The following FAM110B variants were observed in gnomAD, a reference collection of about 807,000 sequenced individuals.
FAM110B encodes family with sequence similarity 110 member B, also known as protein FAM110B.
A neutral mutation model predicts 20.4 loss-of-function variants in FAM110B; 6 were observed. The observed-to-expected ratio is 0.29, with a 90% CI of 0.16 to 0.58. FAM110B has a LOEUF of 0.58. Among genes scored for constraint, FAM110B ranks in the 20% least tolerant of loss-of-function variants. The pLI is 0.90. For missense variants in FAM110B, 434 were observed against 498.2 expected (o/e 0.87, Z 1.23); for synonymous variants, 226 against 214.1 (o/e 1.06, Z -0.49).
intron 3 of FAM110B, among the ~76,000 whole-genome samples, chr8:58,143,537 G>T (rs1585922504): frequency 6.6e-6 from 1 of 152,226 alleles, no homozygotes; most frequent in East Asian, 1.9e-4. Flanking sequence ...TTGTTGAGGG[G>T]TGTGGAACAA....
At chr8:58,080,114 A>C (rs1435905631) in intron 3 of FAM110B, among the ~76,000 whole-genome samples, 1 of 152,226 alleles carries the variant, frequency 6.6e-6, no homozygotes, top group African/African-American at 2.4e-5. Context: ...ACCAAAGGGC[A>C]ACCATGTGGT....
intron 1 of FAM110B, among the ~76,000 whole-genome samples, chr8:58,006,915 A>T (rs1476006846): frequency 2.4e-4 from 23 of 94,480 alleles, no homozygotes; most frequent in Non-Finnish European, 4.1e-4. Context: ...ATATATATAT[A>T]TATATATATT....
intron 3 of FAM110B, among the ~76,000 whole-genome samples, chr8:58,092,680 A>G (rs1404289030): frequency 1.3e-5 from 2 of 152,154 alleles, no homozygotes; most frequent in Non-Finnish European, 1.5e-5. Context: ...AGTCTTTGCT[A>G]TTGTGAACGT....
chr8:58,142,615 G>T (rs952822306), intron 3 of FAM110B, among the ~76,000 whole-genome samples: 5 of 146,282 alleles, frequency 3.4e-5, no homozygotes, highest in Admixed American at 1.4e-4. Flanking sequence ...GTTCATATCT[G>T]CTCTGATTCA....
intron 3 of FAM110B, among the ~76,000 whole-genome samples, chr8:58,085,946 T>A (rs1031158830): frequency 9.9e-5 from 15 of 152,204 alleles, no homozygotes; most frequent in African/African-American, 3.6e-4. Context: ...CAAAATTAAT[T>A]TGTAACTTTC....
intron 2 of FAM110B, among the ~76,000 whole-genome samples, chr8:58,046,258 T>C (rs1805318020): frequency 1.3e-5 from 2 of 152,214 alleles, no homozygotes; most frequent in Non-Finnish European, 2.9e-5. Flanking sequence ...AATTAAATTG[T>C]CAAAACCAAC....
At chr8:58,000,232 C>T (rs534943578) in intron 1 of FAM110B, among the ~76,000 whole-genome samples, 2 of 152,214 alleles carry the variant, frequency 1.3e-5, no homozygotes, top group South Asian at 2.1e-4. Flanking sequence ...TGGACCACAG[C>T]GGAGTTGGGG....
chr8:58,137,239 T>G (rs1458635092), intron 3 of FAM110B, among the ~76,000 whole-genome samples: 1 of 152,172 alleles, frequency 6.6e-6, no homozygotes, highest in Non-Finnish European at 1.5e-5. Flanking sequence ...AATGCCAAGT[T>G]GCAGACACTG....
intron 2 of FAM110B, among the ~76,000 whole-genome samples, chr8:58,051,807 G>A (rs1029643348): frequency 6.6e-6 from 1 of 152,094 alleles, no homozygotes; most frequent in African/African-American, 2.4e-5. Flanking sequence ...GGGTTGGAAC[G>A]GATATAAATG....
chr8:58,108,026 G>A (rs1806963683), intron 3 of FAM110B, among the ~76,000 whole-genome samples: 1 of 152,194 alleles, frequency 6.6e-6, no homozygotes, highest in African/African-American at 2.4e-5. Flanking sequence ...GTGTAGCAGA[G>A]AAGCTAGTTG....
At chr8:58,063,774 A>C (rs1308435888) in intron 2 of FAM110B, among the ~76,000 whole-genome samples, 1 of 152,130 alleles carries the variant, frequency 6.6e-6, no homozygotes, top group Non-Finnish European at 1.5e-5. Flanking sequence ...TGTTCTATTA[A>C]TTTTATTTAT....
chr8:58,101,334 A>G (rs911565676), intron 3 of FAM110B, among the ~76,000 whole-genome samples: 1 of 152,208 alleles, frequency 6.6e-6, no homozygotes, highest in African/African-American at 2.4e-5. Flanking sequence ...TGAAGTCTTG[A>G]CCATTTGTGT....
At chr8:58,062,464 G>A (rs191593649) in intron 2 of FAM110B, among the ~76,000 whole-genome samples, 2 of 152,176 alleles carry the variant, frequency 1.3e-5, no homozygotes, top group Non-Finnish European at 1.5e-5. Context: ...TAAAAAATTG[G>A]TCTCTAGATA....
chr8:58,031,782 C>A (rs1804966427), intron 2 of FAM110B, 79 bp downstream of exon 2: 1 of 152,162 alleles, frequency 6.6e-6, no homozygotes, highest in Non-Finnish European at 1.5e-5. Context: ...ATATGTTGAG[C>A]AGAATTTAGG....
At chr8:58,010,529 A>G (rs563034189) in intron 1 of FAM110B, among the ~76,000 whole-genome samples, 1 of 152,326 alleles carries the variant, frequency 6.6e-6, no homozygotes, top group South Asian at 2.1e-4. Flanking sequence ...TTCATTGAAT[A>G]CATTTCTGGA....
At chr8:58,105,813 G>C (rs529472714) in intron 3 of FAM110B, among the ~76,000 whole-genome samples, 2 of 151,690 alleles carry the variant, frequency 1.3e-5, no homozygotes, top group African/African-American at 4.8e-5. Context: ...CTTGTGATCC[G>C]CCCGCCTCAG....
intron 2 of FAM110B, among the ~76,000 whole-genome samples, chr8:58,048,634 G>T (rs1464262345): frequency 4.6e-5 from 7 of 152,172 alleles, no homozygotes; most frequent in Non-Finnish European, 1.0e-4. Context: ...ATTTTAAAAT[G>T]TTCACATGTT....
At chr8:58,011,977 A>G (rs1183069793) in intron 1 of FAM110B, among the ~76,000 whole-genome samples, 2 of 152,208 alleles carry the variant, frequency 1.3e-5, no homozygotes, top group Non-Finnish European at 2.9e-5. Flanking sequence ...GATATTCCAG[A>G]GATGGCCACA....
chr8:58,018,640 AT>A (rs1804683546), intron 1 of FAM110B, among the ~76,000 whole-genome samples: 2 of 152,068 alleles, frequency 1.3e-5, no homozygotes. Context: ...GATACGGTTG[AT>A]TTTTAAGTCT....
Sources: gnomAD v4.1 joint callset for allele counts (sites outside exome capture counted in the v4.1 genomes callset) on GRCh38, gnomAD v4.1.1 for gene constraint, MANE v1.5 for transcripts, NCBI Gene and HGNC (gene_info 2026-07-23, HGNC 2026-07-21) for gene names.